Variants in MCF2 observed in about 807,000 individuals in gnomAD.
MCF2 encodes proto-oncogene DBL.
A neutral mutation model predicts 82.5 loss-of-function variants in MCF2; 44 were observed. That is an observed-to-expected ratio of 0.53 (90% CI 0.42 to 0.69). The LOEUF is 0.69. MCF2 is among the 30% of genes least tolerant of loss of function. MCF2 has a pLI of 0.00. For synonymous variants in MCF2, 217 were observed against 224.9 expected (o/e 0.96, Z 0.32); for missense variants, 623 against 663.1 (o/e 0.94, Z 0.66).
intron 12 of MCF2, among the ~76,000 whole-genome samples, chrX:139,606,889 T>G (rs996036886): frequency 9.0e-5 from 10 of 111,002 alleles, no homozygotes; most frequent in African/African-American, 2.9e-4. Flanking sequence ...TATATATATA[T>G]GTATCTCATA....
At chrX:139,640,169 G>C (rs750728048) in intron 1 of MCF2, among the ~76,000 whole-genome samples, 1 of 111,468 alleles carries the variant, frequency 9.0e-6, no homozygotes, top group South Asian at 3.8e-4. Context: ...TTCCAAAATG[G>C]GACAAATAAC....
Position 139,594,683 on chromosome X carries a change from A to C in MCF2, c.2277+1866T>G, listed in dbSNP as rs1246745859. On this transcript the variant is annotated intron_variant, in intron 19 of 24. Transcript: ENST00000370576. ...AGGCATGGGCAAGGACTTCATGTCT[A>C]AAACACCAAAAGCAATGGCAACAAA... Among the ~76,000 whole-genome samples, 3 of 110,131 alleles carry C rather than the reference A, an allele frequency of 2.7e-5. No homozygotes were observed. In the East Asian group the frequency reaches 8.5e-4, roughly 31 times the overall value.
intron 1 of MCF2, among the ~76,000 whole-genome samples, chrX:139,673,935 T>C (rs1934785355): frequency 9.0e-6 from 1 of 111,516 alleles, no homozygotes; most frequent in South Asian, 3.8e-4. Flanking sequence ...CTCCCATTAT[T>C]ATTGTGTGGG....
chrX:139,645,605 G>A, upstream of MCF2: 1 of 1,203,552 alleles, frequency 8.3e-7, no homozygotes, highest in Non-Finnish European at 1.1e-6. Context: ...AGAAGACCAT[G>A]TATCCAATCT....
intron 10 of MCF2, among the ~76,000 whole-genome samples, chrX:139,610,999 A>G (rs1313433709): frequency 8.9e-6 from 1 of 112,135 alleles, no homozygotes; most frequent in Non-Finnish European, 1.9e-5. Flanking sequence ...AAAATTCAAA[A>G]CTTTCATCTT....
chrX:139,594,640 C>A (rs1164165881), intron 19 of MCF2, among the ~76,000 whole-genome samples: 1 of 111,027 alleles, frequency 9.0e-6, no homozygotes, highest in Admixed American at 9.6e-5. Flanking sequence ...AAAACCTAGG[C>A]ATTACCATTC....
chrX:139,630,642 T>C (rs890582033), intron 3 of MCF2, among the ~76,000 whole-genome samples: 1 of 112,325 alleles, frequency 8.9e-6, no homozygotes, highest in Non-Finnish European at 1.9e-5. Context: ...AATTAATGAA[T>C]GAAATGTTGA....
chrX:139,607,579 A>G (rs940342636), intron 12 of MCF2, 112 bp downstream of exon 16: 26 of 455,825 alleles, frequency 5.7e-5, no homozygotes, highest in Non-Finnish European at 9.1e-5. Flanking sequence ...TCTGACACCC[A>G]GTAAAACCCC....
At chrX:139,662,825 T>C (rs1329232574) in intron 1 of MCF2, among the ~76,000 whole-genome samples, 1 of 111,266 alleles carries the variant, frequency 9.0e-6, no homozygotes, top group Non-Finnish European at 1.9e-5. Context: ...TCAGTCTCTG[T>C]TATCTGTCTT....
intron 1 of MCF2, among the ~76,000 whole-genome samples, chrX:139,659,831 GA>G (rs1382353721): frequency 4.5e-5 from 5 of 112,080 alleles, no homozygotes; most frequent in Non-Finnish European, 9.4e-5. Flanking sequence ...CCACCAATAT[GA>G]AAACAGACTG....
intron 6 of MCF2, among the ~76,000 whole-genome samples, chrX:139,625,649 T>A (rs1932725797): frequency 8.9e-6 from 1 of 111,796 alleles, no homozygotes; most frequent in Admixed American, 9.5e-5. Flanking sequence ...GAAAAGAAAC[T>A]AAATCTATGC....
At chrX:139,689,554 C>T (rs1402208221) in intron 1 of MCF2, among the ~76,000 whole-genome samples, 5 of 109,978 alleles carry the variant, frequency 4.5e-5, no homozygotes, top group African/African-American at 1.7e-4. Flanking sequence ...ATCTCTCTCT[C>T]TCCTTTACCC....
At chrX:139,654,399 G>C (rs1934129492) in intron 1 of MCF2, among the ~76,000 whole-genome samples, 1 of 111,611 alleles carries the variant, frequency 9.0e-6, no homozygotes, top group Admixed American at 9.5e-5. Flanking sequence ...TAGTGATGTT[G>C]AACATTTTTT....
chrX:139,662,764 T>C (rs1354424071), intron 1 of MCF2, among the ~76,000 whole-genome samples: 1 of 110,716 alleles, frequency 9.0e-6, no homozygotes, highest in Non-Finnish European at 1.9e-5. Flanking sequence ...TAATTGTATG[T>C]ACCCTTTTAC....
intron 4 of MCF2, among the ~76,000 whole-genome samples, chrX:139,629,287 C>T (rs766335685): frequency 1.9e-4 from 21 of 111,584 alleles, no homozygotes; most frequent in African/African-American, 5.5e-4. Context: ...CAACGGTATA[C>T]GTTTGTGTAT....
intron 1 of MCF2, among the ~76,000 whole-genome samples, chrX:139,688,889 T>C (rs1603308192): frequency 9.0e-6 from 1 of 111,569 alleles, no homozygotes; most frequent in Middle Eastern, 4.6e-3. Context: ...ATTTACTTCT[T>C]CCCAGCTGCA....
rs761045111 is a variant in MCF2 at position 139,604,767 on chromosome X, G to GA, written c.1674-18dup. 1.4e-5 allele frequency: 16 copies of GA among 1,162,456 alleles called. No individual in the cohort carries two copies. Among genetic ancestry groups the GA allele is most frequent in the Admixed American group, 7.0e-5 (3 of 42,894 alleles). On this transcript the variant is annotated splice_polypyrimidine_tract_variant and intron_variant, in intron 14 of 24. Coordinates refer to ENST00000370576, the Ensembl canonical transcript of MCF2. ...AAGAAAATGCTGTGAAAATTTCAGA[G>GA]AAAAAAAATTGCATGATTTTATGTG...
At chrX:139,608,694 T>C (rs1042193028) in intron 11 of MCF2, among the ~76,000 whole-genome samples, 4 of 111,806 alleles carry the variant, frequency 3.6e-5, no homozygotes, top group Non-Finnish European at 5.6e-5. Flanking sequence ...GAAACAAGCA[T>C]GTATTATGAC....
At chrX:139,699,080 G>C (rs1445016599) in intron 1 of MCF2, among the ~76,000 whole-genome samples, 1 of 111,655 alleles carries the variant, frequency 9.0e-6, no homozygotes, top group Non-Finnish European at 1.9e-5. Context: ...TAGACTGTAA[G>C]TTGGCTGACT....
Sources: allele counts gnomAD v4.1 joint callset (sites outside exome capture counted in the v4.1 genomes callset), GRCh38; gene constraint gnomAD v4.1.1; transcripts MANE v1.5; gene names NCBI Gene and HGNC (gene_info 2026-07-23, HGNC 2026-07-21).